DOCK10: variants seen among roughly 807,000 people sequenced by gnomAD.
The protein encoded by DOCK10 is dedicator of cytokinesis protein 10.
DOCK10 carries 145 observed loss-of-function variants against 280.1 expected under a neutral mutation model. That is an observed-to-expected ratio of 0.52 (90% CI 0.45 to 0.59). DOCK10 has a LOEUF of 0.59. DOCK10 is among the 20% of genes least tolerant of loss of function. The pLI is 0.00. For synonymous variants in DOCK10, 915 were observed against 942.2 expected, an observed-to-expected ratio of 0.97 and a Z score of 0.53; for missense variants, 2,368 against 2,651.7, an observed-to-expected ratio of 0.89 and a Z score of 2.35.
At chr2:225,019,443 A>ATTTTT (rs1689725124) in intron 1 of DOCK10, among the ~76,000 whole-genome samples, 1 of 75,804 alleles carries the variant, frequency 1.3e-5, no homozygotes. Context: ...GTGTGGTTTA[A>ATTTTT]TCTTTTTTTT....
At chr2:224,950,203 G>T (rs1320439283) in intron 1 of DOCK10, among the ~76,000 whole-genome samples, 1 of 152,148 alleles carries the variant, frequency 6.6e-6, no homozygotes, top group East Asian at 1.9e-4. Context: ...TATTAACATA[G>T]GGTGGTGGAA....
chr2:224,940,350 T>C (rs1444901263), intron 1 of DOCK10, among the ~76,000 whole-genome samples: 1 of 152,192 alleles, frequency 6.6e-6, no homozygotes, highest in African/African-American at 2.4e-5. Flanking sequence ...TTCCAATGCT[T>C]GCAACTATAG....
chr2:224,945,678 C>CATAT (rs146310112), intron 1 of DOCK10, among the ~76,000 whole-genome samples: 4,675 of 150,168 alleles, frequency 0.031, 228 homozygotes, highest in African/African-American at 0.11. Context: ...CATGTGTGTG[C>CATAT]ATATATATAT....
chr2:224,977,454 A>G (rs765578567), intron 1 of DOCK10, among the ~76,000 whole-genome samples: 1 of 152,206 alleles, frequency 6.6e-6, no homozygotes, highest in Non-Finnish European at 1.5e-5. Context: ...AATGAAGCTA[A>G]CTTCTGGGGT....
At chr2:224,904,678 A>G (rs1700484831) in intron 3 of DOCK10, among the ~76,000 whole-genome samples, 1 of 152,168 alleles carries the variant, frequency 6.6e-6, no homozygotes, top group Admixed American at 6.5e-5. Context: ...TCAACTAGTA[A>G]GAGACATTCT....
At chr2:224,966,960 T>C (rs575525127) in intron 1 of DOCK10, among the ~76,000 whole-genome samples, 103 of 151,196 alleles carry the variant, frequency 6.8e-4, no homozygotes, top group African/African-American at 2.5e-3. Flanking sequence ...GAATTACACA[T>C]GTTTGCAAAC....
chr2:224,806,963 T>C (rs547318130), intron 33 of DOCK10, among the ~76,000 whole-genome samples: 1 of 152,258 alleles, frequency 6.6e-6, no homozygotes, highest in Admixed American at 6.5e-5. Context: ...ATAAATGTTT[T>C]CTAGTACACA....
chr2:224,844,927 C>T, intron 21 of DOCK10, 88 bp from the exon 22 acceptor site: 5 of 987,836 alleles, frequency 5.1e-6, no homozygotes, highest in Non-Finnish European at 3.1e-6. Context: ...ATGTGCTGTT[C>T]TGATCCATTA....
intron 13 of DOCK10, among the ~76,000 whole-genome samples, chr2:224,863,389 T>C (rs1349656860): frequency 6.6e-6 from 1 of 152,246 alleles, no homozygotes; most frequent in Non-Finnish European, 1.5e-5. Flanking sequence ...ATTCAATTCT[T>C]GTAAGTTATT....
chr2:224,862,619 C>T, intron 14 of DOCK10, 45 bp downstream of exon 14: 1 of 1,497,504 alleles, frequency 6.7e-7, no homozygotes, highest in Admixed American at 1.7e-5. Context: ...TCCAATGCCA[C>T]CATTAAATGT....
chr2:224,826,769 AT>A (rs1694887679), intron 27 of DOCK10, among the ~76,000 whole-genome samples: 1 of 151,460 alleles, frequency 6.6e-6, no homozygotes, highest in African/African-American at 2.4e-5. Flanking sequence ...CTATCTATCT[AT>A]CTATCTATCT....
chr2:224,958,701 G>A (rs1049617940), intron 1 of DOCK10, among the ~76,000 whole-genome samples: 4 of 152,030 alleles, frequency 2.6e-5, no homozygotes, highest in African/African-American at 7.2e-5. Context: ...AACTTTTCAT[G>A]GTTACTTTTC....
intron 55 of DOCK10, among the ~76,000 whole-genome samples, chr2:224,766,630 G>T (rs1690091150): frequency 6.6e-6 from 1 of 152,218 alleles, no homozygotes; most frequent in Admixed American, 6.5e-5. Context: ...TATCACACCA[G>T]ATTGGGTCCA....
chr2:224,889,294 A>G (rs569437649), intron 4 of DOCK10, among the ~76,000 whole-genome samples: 1 of 152,342 alleles, frequency 6.6e-6, no homozygotes, highest in South Asian at 2.1e-4. Flanking sequence ...GAGGGCTTCA[A>G]AATATGCTTA....
intron 27 of DOCK10, among the ~76,000 whole-genome samples, chr2:224,826,871 G>A (rs1320980920): frequency 2.0e-5 from 3 of 152,072 alleles, no homozygotes; most frequent in East Asian, 1.9e-4. Flanking sequence ...GCTGAGGTGA[G>A]AGAATCACCT....
chr2:225,000,293 G>A (rs1005018164), intron 1 of DOCK10, among the ~76,000 whole-genome samples: 1 of 151,936 alleles, frequency 6.6e-6, no homozygotes, highest in Non-Finnish European at 1.5e-5. Flanking sequence ...CAGTCTTATT[G>A]CTGCAGTTTA....
intron 1 of DOCK10, among the ~76,000 whole-genome samples, chr2:224,996,044 T>C (rs1321634495): frequency 6.6e-6 from 1 of 152,226 alleles, no homozygotes; most frequent in Non-Finnish European, 1.5e-5. Flanking sequence ...CCAAAATAAA[T>C]GGCTAGGCCA....
At chr2:224,801,300 A>AAAG (rs1553568068) in intron 40 of DOCK10, among the ~76,000 whole-genome samples, 1 of 150,954 alleles carries the variant, frequency 6.6e-6, no homozygotes, top group African/African-American at 2.5e-5. Context: ...AAAAAAAAAA[A>AAAG]AAACATATTT....
Position 224,805,433 on chromosome 2 carries a change from C to T in DOCK10, c.3911G>A (p.Ser1304Asn). 6.2e-7 allele frequency: 1 copy of T among 1,612,840 alleles called. No homozygotes were observed. The highest frequency in any genetic ancestry group is 8.5e-7 in the Non-Finnish European group (1 of 1,179,178). Reference protein sequence around the residue: ...DSNPSTNEKSSEKTDNCEKIP... With the variant: ...DSNPSTNEKSNEKTDNCEKIP... ...CTTTTCACAGTTGTCCGTCTTCTCA[C>T]TGCTCTTCTCATTGGTACTTGGATT... is the stretch of plus-strand genomic sequence containing the variant. The change falls in exon 35 of 56, where the codon AGT (serine) becomes AAT (asparagine). Residue 1304 changes from serine (S) to asparagine (N), a missense_variant. Ser to Asn is a conservative substitution (Grantham distance 46, BLOSUM62 1). Around this residue, in one of 2 missense-constraint regions of DOCK10, gnomAD observed 1,159 missense variants for 1,400.8 expected, o/e 0.83. Coordinates refer to ENST00000258390, the MANE Select transcript of DOCK10 (RefSeq NM_014689.3). This position sits in a 1 kb window ranked among gnomAD's most constrained non-coding sequence, Gnocchi z 4.3.
Sources: allele counts gnomAD v4.1 joint callset (sites outside exome capture counted in the v4.1 genomes callset), GRCh38; gene constraint gnomAD v4.1.1; regional missense constraint gnomAD v4.1.1; non-coding constraint Gnocchi (gnomAD v3.1); transcripts MANE v1.5; gene names NCBI Gene and HGNC (gene_info 2026-07-23, HGNC 2026-07-21).